SHQ1: variants seen among roughly 807,000 people sequenced by gnomAD.
SHQ1 encodes the protein protein SHQ1 homolog.
In SHQ1, 49 loss-of-function variants were observed where a neutral mutation model predicts 53.8. The ratio of observed to expected loss-of-function variants is 0.91; its 90% CI spans 0.72 to 1.16. The LOEUF (loss-of-function observed/expected upper bound fraction) is 1.16, where lower values mean the gene tolerates loss of function less well. Among genes scored for constraint, SHQ1 ranks in the 50% most tolerant of loss-of-function variants. The pLI is 0.00. For synonymous variants in SHQ1, 243 were observed against 251.0 expected, an observed-to-expected ratio of 0.97 and a Z score of 0.30; for missense variants, 738 against 683.1, an observed-to-expected ratio of 1.08 and a Z score of -0.90.
Position 72,773,516 on chromosome 3 carries a change from C to T in SHQ1, c.1181+19400G>A, listed in dbSNP as rs139491810. The T allele has an allele frequency of 6.4e-4, 156 of 243,148 alleles. 1 individual carries two copies. Among genetic ancestry groups the T allele is most frequent in the African/African-American group, 3.5e-3 (144 of 40,762 alleles). 15.1% of individuals were successfully genotyped at this position (243,148 alleles called of 1,614,324 possible). A position where few individuals can be genotyped will look rare whatever the true frequency, so the allele number is the denominator to read the frequency against. On this transcript the variant is annotated intron_variant, in intron 10 of 10. Coordinates refer to ENST00000325599, the MANE Select transcript of SHQ1 (RefSeq NM_018130.3). ...AAAAAAAGAAAAAAAAGAACTTCCA[C>T]GAAGACAGCCATATCCAAAATGGCA... is the stretch of plus-strand genomic sequence containing the variant.
chr3:72,781,820 A>G (rs1474974447), intron 10 of SHQ1, among the ~76,000 whole-genome samples: 2 of 152,156 alleles, frequency 1.3e-5, no homozygotes, highest in Non-Finnish European at 2.9e-5. Context: ...ACTAAAAATC[A>G]TTTTTGCCAT....
Position 72,829,528 on chromosome 3 carries a change from G to T in SHQ1, c.599+2841C>A, listed in dbSNP as rs1473585079. Among the ~76,000 whole-genome samples the T allele has an allele frequency of 2.6e-5, 4 of 152,258 alleles. No individual in the cohort carries two copies. In the South Asian group the frequency reaches 6.2e-4, roughly 24 times the overall value. On this transcript the variant is annotated intron_variant, in intron 5 of 10. Coordinates refer to ENST00000325599, the MANE Select transcript of SHQ1 (RefSeq NM_018130.3). ...AAATAAATACATAAATGAAAGAAGG[G>T]ATACATAAAATTGTATTCTAATGCT... is the stretch of plus-strand genomic sequence containing the variant.
chr3:72,747,162 C>G (rs1326359229), downstream of SHQ1, among the ~76,000 whole-genome samples: 1 of 152,190 alleles, frequency 6.6e-6, no homozygotes, highest in Non-Finnish European at 1.5e-5. Flanking sequence ...ATTTCCTCCT[C>G]AAAGCAAATT....
At chr3:72,838,068 G>A (rs780133403) in intron 4 of SHQ1, among the ~76,000 whole-genome samples, 10 of 152,204 alleles carry the variant, frequency 6.6e-5, no homozygotes, top group Non-Finnish European at 1.3e-4. Context: ...AAGGTAACAT[G>A]GTGCACACAC....
the SHQ1 span, among the ~76,000 whole-genome samples, chr3:72,739,223 C>T: frequency 6.6e-6 from 1 of 152,232 alleles, no homozygotes; most frequent in South Asian, 2.1e-4. Context: ...GAAGCCGTGT[C>T]ACTTCTCAAG....
intron 10 of SHQ1, among the ~76,000 whole-genome samples, chr3:72,775,345 T>C (rs555620396): frequency 4.0e-5 from 6 of 149,806 alleles, no homozygotes; most frequent in African/African-American, 1.2e-4. Context: ...TTTAGAAAAA[T>C]AAAACCTATC....
intron 9 of SHQ1, among the ~76,000 whole-genome samples, chr3:72,809,401 TATG>T (rs1390243003): frequency 6.6e-6 from 1 of 151,896 alleles, no homozygotes; most frequent in African/African-American, 2.4e-5. Context: ...GAGACAAATA[TATG>T]ATATGATATA....
intron 9 of SHQ1, among the ~76,000 whole-genome samples, chr3:72,798,064 T>TC (rs1706680629): frequency 6.6e-6 from 1 of 152,190 alleles, no homozygotes; most frequent in Non-Finnish European, 1.5e-5. Context: ...ATCTATCCAG[T>TC]CGTGGGCTCA....
intron 10 of SHQ1, among the ~76,000 whole-genome samples, chr3:72,791,938 G>A (rs1050637066): frequency 3.3e-5 from 5 of 152,134 alleles, no homozygotes; most frequent in Admixed American, 2.6e-4. Context: ...AGAACTTCAC[G>A]AAATAAAAAT....
chr3:72,738,804 C>G, the SHQ1 span, among the ~76,000 whole-genome samples: 1 of 152,232 alleles, frequency 6.6e-6, no homozygotes, highest in Non-Finnish European at 1.5e-5. Context: ...GCAAGCTTGG[C>G]GTCTGCCCCT....
chr3:72,772,430 C>T, intron 10 of SHQ1: 1 of 390,424 alleles, frequency 2.6e-6, no homozygotes. Flanking sequence ...CTGAGGAGAC[C>T]AGTTCAAAGA....
At chr3:72,778,969 A>G (rs1012339513) in intron 10 of SHQ1, among the ~76,000 whole-genome samples, 1 of 152,194 alleles carries the variant, frequency 6.6e-6, no homozygotes, top group South Asian at 2.1e-4. Flanking sequence ...CTAATTCCCT[A>G]GTCAGGCTAC....
chr3:72,828,701 A>G (rs1264300757), intron 5 of SHQ1, among the ~76,000 whole-genome samples: 5 of 152,148 alleles, frequency 3.3e-5, no homozygotes, highest in Admixed American at 2.6e-4. Context: ...TCTCAAAAAA[A>G]AGAGAGAGAA....
chr3:72,792,473 A>G (rs1406171792), intron 10 of SHQ1, among the ~76,000 whole-genome samples: 1 of 152,144 alleles, frequency 6.6e-6, no homozygotes, highest in East Asian at 1.9e-4. Context: ...TGGTAGGTCT[A>G]TGGGTTTCCT....
chr3:72,742,210 A>C, the SHQ1 span, among the ~76,000 whole-genome samples: 153 of 146,694 alleles, frequency 1.0e-3, 1 homozygote, highest in Admixed American at 1.1e-3. Context: ...AAAAAAAAAA[A>C]AAAACGTAAA....
chr3:72,775,336 T>A (rs1705937411), intron 10 of SHQ1, among the ~76,000 whole-genome samples: 1 of 151,888 alleles, frequency 6.6e-6, no homozygotes, highest in South Asian at 2.1e-4. Flanking sequence ...GGACAAAGTT[T>A]TAGAAAAATA....
At chr3:72,755,316 T>C (rs963005237) in intron 10 of SHQ1, among the ~76,000 whole-genome samples, 1 of 150,820 alleles carries the variant, frequency 6.6e-6, no homozygotes, top group African/African-American at 2.5e-5. Context: ...GGATGGATGA[T>C]AGATAGATAG....
intron 10 of SHQ1, among the ~76,000 whole-genome samples, chr3:72,755,839 G>A (rs1705486509): frequency 6.6e-6 from 1 of 152,178 alleles, no homozygotes; most frequent in South Asian, 2.1e-4. Flanking sequence ...GCTAGTTCAT[G>A]TCCAAAAGCT....
chr3:72,751,494 G>GTACA (rs1431742565), intron 10 of SHQ1, among the ~76,000 whole-genome samples: 4 of 97,554 alleles, frequency 4.1e-5, no homozygotes, highest in African/African-American at 2.2e-4. Flanking sequence ...GTGTGTGTGT[G>GTACA]TGTGTGTGTG....
Sources: gnomAD v4.1 joint callset for allele counts (sites outside exome capture counted in the v4.1 genomes callset) on GRCh38, gnomAD v4.1.1 for gene constraint, MANE v1.5 for transcripts, NCBI Gene and HGNC (gene_info 2026-07-23, HGNC 2026-07-21) for gene names.